PRKG1: variants seen among roughly 807,000 people sequenced by gnomAD.
PRKG1 encodes cGMP-dependent protein kinase 1.
PRKG1 carries 35 observed loss-of-function variants against 88.1 expected under a neutral mutation model. The ratio of observed to expected loss-of-function variants is 0.40; its 90% confidence interval spans 0.30 to 0.53. The LOEUF (loss-of-function observed/expected upper bound fraction) is 0.53, where lower values mean the gene tolerates loss of function less well. Among genes scored for constraint, PRKG1 ranks in the 20% least tolerant of loss-of-function variants. The probability of loss-of-function intolerance (pLI) is 0.59; values close to 1 mark genes in which losing one functional copy is unlikely to be tolerated. For missense variants in PRKG1, 540 were observed against 839.8 expected, an observed-to-expected ratio of 0.64 and a Z score of 4.41; for synonymous variants, 303 against 292.5, an observed-to-expected ratio of 1.04 and a Z score of -0.37.
chr10:51,363,238 C>T (rs897408119), intron 2 of PRKG1, among the ~76,000 whole-genome samples: 2 of 151,636 alleles, frequency 1.3e-5, no homozygotes, highest in Admixed American at 6.6e-5. Flanking sequence ...AAAATTCTCG[C>T]ACTCCATCAA....
chr10:51,298,859 G>A (rs1329890781), intron 2 of PRKG1, among the ~76,000 whole-genome samples: 1 of 152,182 alleles, frequency 6.6e-6, no homozygotes, highest in African/African-American at 2.4e-5. Context: ...CTGGCACATA[G>A]TAGGCATGCA....
chr10:51,764,619 T>C (rs981898241), intron 3 of PRKG1, among the ~76,000 whole-genome samples: 21 of 152,194 alleles, frequency 1.4e-4, no homozygotes, highest in African/African-American at 3.9e-4. Flanking sequence ...TGTGACCGTG[T>C]GTGCTTTCCA....
chr10:52,123,082 A>G (rs1013477142), intron 7 of PRKG1, among the ~76,000 whole-genome samples: 1 of 152,230 alleles, frequency 6.6e-6, no homozygotes, highest in African/African-American at 2.4e-5. Context: ...TATTTGGCTC[A>G]GTCTAATAAA....
At chr10:51,288,923 G>C (rs758121675) in intron 2 of PRKG1, among the ~76,000 whole-genome samples, 1 of 152,028 alleles carries the variant, frequency 6.6e-6, no homozygotes, top group African/African-American at 2.4e-5. Context: ...TTGCATGCAT[G>C]ATTATGTATG....
intron 9 of PRKG1, among the ~76,000 whole-genome samples, chr10:52,176,947 T>C (rs188977384): frequency 1.4e-3 from 218 of 152,288 alleles, no homozygotes; most frequent in Middle Eastern, 3.4e-3. Flanking sequence ...GATCATGCCC[T>C]CTGCAAGGCT....
At chr10:51,565,284 T>G (rs7342142) in intron 3 of PRKG1, among the ~76,000 whole-genome samples, 10,476 of 152,108 alleles carry the variant, frequency 0.069, 1,178 homozygotes, top group African/African-American at 0.24. Context: ...AATAAGCTCT[T>G]TGTCTTCATA....
intron 2 of PRKG1, among the ~76,000 whole-genome samples, chr10:51,437,578 T>C (rs1245579181): frequency 6.6e-6 from 1 of 151,948 alleles, no homozygotes; most frequent in Non-Finnish European, 1.5e-5. Flanking sequence ...TCCATGATGA[T>C]AGTGAGTAGA....
At chr10:51,792,213 C>T (rs978978949) in intron 3 of PRKG1, among the ~76,000 whole-genome samples, 1 of 152,006 alleles carries the variant, frequency 6.6e-6, no homozygotes, top group Non-Finnish European at 1.5e-5. Flanking sequence ...GCATTTTTAT[C>T]TTCATAACTC....
chr10:51,807,274 C>T (rs117779824), intron 4 of PRKG1, among the ~76,000 whole-genome samples: 11 of 152,142 alleles, frequency 7.2e-5, no homozygotes, highest in Middle Eastern at 3.4e-3. Flanking sequence ...AAATTAAAGA[C>T]CTTGACAGCA....
intron 2 of PRKG1, among the ~76,000 whole-genome samples, chr10:51,291,051 C>T (rs914669807): frequency 1.3e-5 from 2 of 152,104 alleles, no homozygotes; most frequent in Non-Finnish European, 2.9e-5. Context: ...GTGAAGTGAG[C>T]CTTTTCTGGT....
At chr10:51,326,846 A>G (rs1189375954) in intron 2 of PRKG1, among the ~76,000 whole-genome samples, 1 of 152,260 alleles carries the variant, frequency 6.6e-6, no homozygotes, top group Admixed American at 6.5e-5. Context: ...TCATTAGGTT[A>G]GAATTAGTGC....
At chr10:51,026,791 C>T (rs1427439047) in intron 1 of PRKG1, among the ~76,000 whole-genome samples, 1 of 152,136 alleles carries the variant, frequency 6.6e-6, no homozygotes, top group Non-Finnish European at 1.5e-5. Context: ...AGGCAGAGAA[C>T]TAAGATTTAT....
At chr10:51,590,328 A>G (rs1838280416) in intron 3 of PRKG1, among the ~76,000 whole-genome samples, 1 of 152,086 alleles carries the variant, frequency 6.6e-6, no homozygotes, top group Admixed American at 6.6e-5. Context: ...CCCCACAATC[A>G]TTTTCACTTG....
chr10:51,792,814 G>C (rs1457017499), intron 3 of PRKG1, among the ~76,000 whole-genome samples: 4 of 152,062 alleles, frequency 2.6e-5, no homozygotes, highest in African/African-American at 9.7e-5. Flanking sequence ...CTTCAACACT[G>C]TTGGGAGTTA....
intron 3 of PRKG1, among the ~76,000 whole-genome samples, chr10:51,528,097 T>C (rs1281636067): frequency 5.9e-5 from 9 of 152,176 alleles, no homozygotes; most frequent in African/African-American, 4.8e-5. Context: ...TCTAAGCTCA[T>C]GGGAGCAAAT....
At chr10:51,503,088 CCTT>C (rs1409101366) in intron 3 of PRKG1, among the ~76,000 whole-genome samples, 2 of 152,078 alleles carry the variant, frequency 1.3e-5, no homozygotes, top group Non-Finnish European at 2.9e-5. Flanking sequence ...CATACTCTAT[CCTT>C]CTTTAAAGGA....
chr10:52,046,801 T>C (rs1489054275), intron 5 of PRKG1: 5 of 152,144 alleles, frequency 3.3e-5, no homozygotes, highest in Non-Finnish European at 2.9e-5. Flanking sequence ...ACATAAATAA[T>C]GTTGGTTTAA....
At chr10:51,537,898 T>C (rs1842197957) in intron 3 of PRKG1, among the ~76,000 whole-genome samples, 2 of 152,130 alleles carry the variant, frequency 1.3e-5, no homozygotes, top group African/African-American at 4.8e-5. Context: ...AACTACTGAT[T>C]TATATGAAAG....
intron 5 of PRKG1, among the ~76,000 whole-genome samples, chr10:51,997,469 C>CAA (rs200543963): frequency 0.013 from 912 of 71,606 alleles, 10 homozygotes; most frequent in African/African-American, 0.031. Context: ...GACTCTGTCT[C>CAA]AAAAAAAAAA....
Sources: gnomAD v4.1 joint callset for allele counts (sites outside exome capture counted in the v4.1 genomes callset) on GRCh38, gnomAD v4.1.1 for gene constraint, MANE v1.5 for transcripts, NCBI Gene and HGNC (gene_info 2026-07-23, HGNC 2026-07-21) for gene names.